UTRN: variants seen among roughly 807,000 people sequenced by gnomAD.
UTRN encodes the protein dystrophin-related protein 1.
A neutral mutation model predicts 463.9 loss-of-function variants in UTRN; 283 were observed. The observed-to-expected ratio is 0.61, with a 90% CI of 0.55 to 0.67. The LOEUF (loss-of-function observed/expected upper bound fraction) is 0.67, where lower values mean the gene tolerates loss of function less well. Ranked by LOEUF, UTRN falls within the 30% of genes least tolerant of loss-of-function variation. The pLI is 0.00. For missense variants in UTRN, 3,922 were observed against 4,084.3 expected (o/e 0.96, Z 1.08); for synonymous variants, 1,442 against 1,431.5 (o/e 1.01, Z -0.17).
At chr6:144,708,534 A>G in intron 53 of UTRN, 1 of 363,210 alleles carries the variant, frequency 2.8e-6, no homozygotes, top group East Asian at 5.9e-5. Flanking sequence ...AGAAAAAAAC[A>G]CAGTCCCTGT....
At chr6:144,618,061 T>A (rs1214246536) in intron 51 of UTRN, among the ~76,000 whole-genome samples, 2 of 152,214 alleles carry the variant, frequency 1.3e-5, no homozygotes, top group Non-Finnish European at 2.9e-5. Flanking sequence ...AAAAAGAGAA[T>A]ACATGTGAGT....
chr6:144,557,003 C>T (rs1799446015), intron 49 of UTRN, among the ~76,000 whole-genome samples, 154 bp from the exon 50 acceptor site: 1 of 152,182 alleles, frequency 6.6e-6, no homozygotes, highest in South Asian at 2.1e-4. Flanking sequence ...TTGGTTTAAG[C>T]TTACATATAA....
chr6:144,797,733 A>G, intron 63 of UTRN, 91 bp from the exon 64 acceptor site: 1 of 1,360,316 alleles, frequency 7.4e-7, no homozygotes, highest in South Asian at 1.4e-5. Flanking sequence ...CCTCTTCTGC[A>G]CAAATTTTCA....
intron 2 of UTRN, among the ~76,000 whole-genome samples, chr6:144,329,479 T>A (rs956387012): frequency 2.6e-5 from 4 of 152,188 alleles, no homozygotes; most frequent in Non-Finnish European, 5.9e-5. Flanking sequence ...GTATTTGCTG[T>A]TTCATTAGTG....
intron 43 of UTRN, among the ~76,000 whole-genome samples, chr6:144,535,289 C>G (rs1463318826): frequency 6.6e-6 from 1 of 152,182 alleles, no homozygotes; most frequent in Non-Finnish European, 1.5e-5. Context: ...CCATGTTGGC[C>G]AGGCTGGTCT....
intron 52 of UTRN, among the ~76,000 whole-genome samples, chr6:144,692,181 T>C (rs1237765233): frequency 2.0e-5 from 3 of 152,234 alleles, no homozygotes; most frequent in Non-Finnish European, 2.9e-5. Context: ...CTCAGGATAA[T>C]GGCCTCCAGC....
chr6:144,725,234 G>A (rs1426477155), intron 53 of UTRN, among the ~76,000 whole-genome samples: 8 of 152,312 alleles, frequency 5.3e-5, no homozygotes, highest in Middle Eastern at 3.4e-3. Context: ...CTTGCCTCCC[G>A]CCATGTAAGA....
chr6:144,441,102 T>C (rs1787112254), intron 13 of UTRN, among the ~76,000 whole-genome samples: 1 of 152,096 alleles, frequency 6.6e-6, no homozygotes, highest in Admixed American at 6.6e-5. Context: ...AAGCAAACCA[T>C]ATCATTCCAC....
chr6:144,392,286 C>T (rs142395481), intron 2 of UTRN, among the ~76,000 whole-genome samples: 47 of 152,112 alleles, frequency 3.1e-4, no homozygotes, highest in Non-Finnish European at 5.9e-4. Flanking sequence ...ACAATGTTGT[C>T]TTAGGGAGAG....
chr6:144,460,750 T>C (rs1789325603), intron 21 of UTRN, among the ~76,000 whole-genome samples: 2 of 152,248 alleles, frequency 1.3e-5, no homozygotes, highest in African/African-American at 4.8e-5. Flanking sequence ...TCAGGGTACC[T>C]GGGCAGCATG....
At chr6:144,499,971 C>T (rs1181839297) in intron 34 of UTRN, among the ~76,000 whole-genome samples, 1 of 152,206 alleles carries the variant, frequency 6.6e-6, no homozygotes, top group Non-Finnish European at 1.5e-5. Context: ...TTGTATGGTA[C>T]TCCATGGTGT....
intron 66 of UTRN, among the ~76,000 whole-genome samples, 187 bp from the exon 67 acceptor site, chr6:144,827,161 A>G (rs1255576947): frequency 6.6e-6 from 1 of 152,182 alleles, no homozygotes; most frequent in Non-Finnish European, 1.5e-5. Flanking sequence ...ACTCTTGAAT[A>G]CACGGCGACT....
At chr6:144,508,846 T>C (rs1794924883) in intron 34 of UTRN, among the ~76,000 whole-genome samples, 1 of 152,224 alleles carries the variant, frequency 6.6e-6, no homozygotes, top group Non-Finnish European at 1.5e-5. Context: ...TAATTAACCT[T>C]GTCCCCATGG....
chr6:144,643,615 G>A (rs1450821930), intron 51 of UTRN, among the ~76,000 whole-genome samples: 1 of 152,034 alleles, frequency 6.6e-6, no homozygotes, highest in Non-Finnish European at 1.5e-5. Flanking sequence ...CGGCCAACAT[G>A]GTGAAACCCC....
intron 2 of UTRN, among the ~76,000 whole-genome samples, chr6:144,351,079 A>G (rs1778068918): frequency 6.6e-6 from 1 of 152,198 alleles, no homozygotes; most frequent in African/African-American, 2.4e-5. Context: ...ATTTTATGGA[A>G]CATGGAGTTA....
intron 51 of UTRN, among the ~76,000 whole-genome samples, chr6:144,658,109 TTA>T (rs1266387249): frequency 6.6e-6 from 1 of 152,208 alleles, no homozygotes; most frequent in East Asian, 1.9e-4. Context: ...AAACTGTAGA[TTA>T]TTTTTACCTG....
intron 51 of UTRN, among the ~76,000 whole-genome samples, chr6:144,593,075 T>A (rs973780047): frequency 6.6e-6 from 1 of 151,746 alleles, no homozygotes; most frequent in Non-Finnish European, 1.5e-5. Flanking sequence ...TCTTGAGGAG[T>A]AGATAGAATT....
intron 51 of UTRN, among the ~76,000 whole-genome samples, chr6:144,642,598 C>T (rs910523668): frequency 6.6e-6 from 1 of 152,194 alleles, no homozygotes; most frequent in African/African-American, 2.4e-5. Context: ...CCTCTACTCT[C>T]TCAGGGGACT....
At chr6:144,604,142 A>T in intron 51 of UTRN, among the ~76,000 whole-genome samples, 1 of 152,220 alleles carries the variant, frequency 6.6e-6, no homozygotes, top group Non-Finnish European at 1.5e-5. Context: ...AGAAACAGTA[A>T]GTCATATCTC....
Sources: gnomAD v4.1 joint callset for allele counts (sites outside exome capture counted in the v4.1 genomes callset) on GRCh38, gnomAD v4.1.1 for gene constraint, MANE v1.5 for transcripts, NCBI Gene and HGNC (gene_info 2026-07-23, HGNC 2026-07-21) for gene names.